Variants in GALNTL5 observed in about 807,000 individuals in gnomAD.
GALNTL5 encodes inactive polypeptide N-acetylgalactosaminyltransferase-like protein 5.
A neutral mutation model predicts 51.0 loss-of-function variants in GALNTL5; 44 were observed. That is an observed-to-expected ratio of 0.86 (90% CI 0.68 to 1.11). The LOEUF is 1.11. GALNTL5 is among the 50% of genes least tolerant of loss of function. The pLI, the probability that GALNTL5 is intolerant of heterozygous loss-of-function variation, is 0.00. For synonymous variants in GALNTL5, 192 were observed against 182.8 expected, an observed-to-expected ratio of 1.05 and a Z score of -0.41; for missense variants, 528 against 531.8, an observed-to-expected ratio of 0.99 and a Z score of 0.07.
intron 3 of GALNTL5, among the ~76,000 whole-genome samples, chr7:151,982,285 A>G (rs1225440263): frequency 6.6e-6 from 1 of 152,058 alleles, no homozygotes. Flanking sequence ...ATGGTGGTGC[A>G]TGCCTGTAAT....
chr7:151,984,514 G>A (rs2081336596), intron 4 of GALNTL5, among the ~76,000 whole-genome samples: 1 of 152,224 alleles, frequency 6.6e-6, no homozygotes, highest in African/African-American at 2.4e-5. Flanking sequence ...ACTCCTGAAT[G>A]TGACTCAAGT....
At chr7:151,986,363 G>A (rs750253192) in intron 4 of GALNTL5, among the ~76,000 whole-genome samples, 1 of 152,198 alleles carries the variant, frequency 6.6e-6, no homozygotes, top group Non-Finnish European at 1.5e-5. Flanking sequence ...GGCGAGGCGT[G>A]GTGGCTCACG....
chr7:151,998,045 T>G (rs565757080), intron 5 of GALNTL5, among the ~76,000 whole-genome samples: 2 of 152,054 alleles, frequency 1.3e-5, no homozygotes, highest in South Asian at 4.1e-4. Context: ...CTACAAAAAT[T>G]TTTATTAAAA....
At chr7:152,017,027 A>C (rs1259438495) in intron 8 of GALNTL5, among the ~76,000 whole-genome samples, 2 of 149,498 alleles carry the variant, frequency 1.3e-5, no homozygotes, top group East Asian at 3.9e-4. Context: ...GACAAGAGCA[A>C]AGCTCCATCT....
At chr7:151,965,043 C>T (rs1354679971) in intron 1 of GALNTL5, among the ~76,000 whole-genome samples, 1 of 152,166 alleles carries the variant, frequency 6.6e-6, no homozygotes. Context: ...CAGTCTACTT[C>T]TCCAAAGAAG....
rs2081314667 is a variant in GALNTL5 at position 151,983,093 on chromosome 7, A to T, written c.476A>T (p.Asn159Ile). 1 of 1,614,030 alleles carries T rather than the reference A, an allele frequency of 6.2e-7. No individual in the cohort carries two copies. The highest frequency in any genetic ancestry group is 8.5e-7 in the Non-Finnish European group (1 of 1,180,020). Reference sequence around the variant, plus strand: ...TTTCAGACCATGTCCAGTGTCACGAACCTCACGCCACACTATTTTCTTGAA... The same window carrying T: ...TTTCAGACCATGTCCAGTGTCACGATCCTCACGCCACACTATTTTCTTGAA... ...ALFQTMSSVT[N>I]LTPHYFLEEI... Residue 159 changes from asparagine (N) to isoleucine (I), a missense_variant, in exon 4 of 9, where the codon AAC becomes ATC. By Grantham distance (149) the Asn-to-Ile change is moderately radical. Transcript: ENST00000392800.
At chr7:151,979,308 GT>G (rs2081248494) in intron 3 of GALNTL5, among the ~76,000 whole-genome samples, 2 of 148,818 alleles carry the variant, frequency 1.3e-5, no homozygotes, top group African/African-American at 5.0e-5. Context: ...TAGAGACGGG[GT>G]TTCACCATGT....
intron 5 of GALNTL5, among the ~76,000 whole-genome samples, chr7:152,002,317 G>A (rs1026989943): frequency 2.6e-5 from 4 of 151,694 alleles, no homozygotes; most frequent in Non-Finnish European, 5.9e-5. Context: ...AGCAAAAGTC[G>A]TGATGCATGT....
At chr7:151,970,834 A>G in intron 2 of GALNTL5, 111 bp from the exon 3 acceptor site, 1 of 882,698 alleles carries the variant, frequency 1.1e-6, no homozygotes, top group South Asian at 1.7e-5. Flanking sequence ...CGATTTCCGA[A>G]TTCTATTCTG....
At chr7:151,966,535 C>T (rs2081062663) in intron 1 of GALNTL5, among the ~76,000 whole-genome samples, 1 of 152,180 alleles carries the variant, frequency 6.6e-6, no homozygotes, top group African/African-American at 2.4e-5. Context: ...TCCCAAAATA[C>T]TGGGATTACA....
intron 5 of GALNTL5, among the ~76,000 whole-genome samples, chr7:151,990,567 C>T (rs1302347539): frequency 0.013 from 15 of 1,130 alleles, no homozygotes; most frequent in East Asian, 0.091. Flanking sequence ...GGCGACAGAG[C>T]GAGACTCCAT....
chr7:151,966,172 A>G (rs1395463077), intron 1 of GALNTL5, among the ~76,000 whole-genome samples: 2 of 152,018 alleles, frequency 1.3e-5, no homozygotes, highest in Non-Finnish European at 1.5e-5. Flanking sequence ...GCTCCAGCTG[A>G]TTCATTTCCA....
At chr7:151,991,015 A>G (rs992616383) in intron 5 of GALNTL5, among the ~76,000 whole-genome samples, 1 of 152,102 alleles carries the variant, frequency 6.6e-6, no homozygotes, top group Non-Finnish European at 1.5e-5. Context: ...TTCCTTTATG[A>G]TTTTTGGGTT....
chr7:151,957,887 A>G (rs13240848), intron 1 of GALNTL5: 105,154 of 151,802 alleles, frequency 0.69, 36,771 homozygotes, highest in African/African-American at 0.78. Context: ...CGATCTCTTG[A>G]TAGGAGGGGT....
chr7:152,001,963 C>T (rs1415165088), intron 5 of GALNTL5, among the ~76,000 whole-genome samples: 1 of 152,136 alleles, frequency 6.6e-6, no homozygotes, highest in East Asian at 1.9e-4. Context: ...TTCAATAATA[C>T]ACTTTCTCTA....
intron 8 of GALNTL5, among the ~76,000 whole-genome samples, chr7:152,017,000 C>T (rs1022243579): frequency 8.0e-5 from 12 of 149,212 alleles, no homozygotes; most frequent in African/African-American, 2.7e-4. Flanking sequence ...ATCACACCAC[C>T]GCACTCCAAC....
chr7:151,985,920 C>T (rs991954619), intron 4 of GALNTL5: 2 of 152,316 alleles, frequency 1.3e-5, no homozygotes, highest in East Asian at 1.9e-4. Flanking sequence ...AAGATCCCTC[C>T]TTCTGCTGGG....
chr7:151,979,424 C>A (rs1225698113), intron 3 of GALNTL5, among the ~76,000 whole-genome samples: 1 of 149,484 alleles, frequency 6.7e-6, no homozygotes, highest in Admixed American at 6.7e-5. Context: ...TCCTTTTACT[C>A]TTAAAAACAG....
At chr7:151,964,660 C>T (rs13240420) in intron 1 of GALNTL5, among the ~76,000 whole-genome samples, 84,739 of 152,022 alleles carry the variant, frequency 0.56, 24,482 homozygotes, top group African/African-American at 0.69. Flanking sequence ...CGGGTATCTT[C>T]ATCAGTGTCG....
Sources: allele counts gnomAD v4.1 joint callset (sites outside exome capture counted in the v4.1 genomes callset), GRCh38; gene constraint gnomAD v4.1.1; transcripts MANE v1.5; gene names NCBI Gene and HGNC (gene_info 2026-07-23, HGNC 2026-07-21).